The following GREP1 variants were observed in gnomAD, a reference collection of about 807,000 sequenced individuals.
GREP1 encodes glycine-rich extracellular protein 1.
At chr16:2,998,230 G>A (rs1596462895) in intron 23 of GREP1, 126 bp from the exon 22 acceptor site, 1 of 398,068 alleles carries the variant, frequency 2.5e-6, no homozygotes, top group Non-Finnish European at 4.4e-6. Context: ...ATACACACCA[G>A]GGACCTGGCT....
chr16:2,988,706 G>A (rs150735992), intron 2 of GREP1, 84 bp downstream of exon 2: 68 of 398,848 alleles, frequency 1.7e-4, no homozygotes, highest in South Asian at 2.5e-4. Flanking sequence ...TGGGACTCCC[G>A]ATGCGGGGCC....
rs1474824590 is a variant in GREP1 at position 2,994,624 on chromosome 16, G to A, written c.386-74G>A. 1.8e-5 allele frequency: 7 copies of A among 398,758 alleles called. No homozygotes were observed. In the East Asian group the frequency reaches 2.5e-4, roughly 14 times the overall value. The allele number at this position is 398,758 out of a possible 1,614,324, so 24.7% of individuals were successfully genotyped here. On this transcript the variant is annotated intron_variant, in intron 10 of 34. Transcript: ENST00000573315. ...CTGGCTCGTTGAAGTTGGGGGTGGG[G>A]ACACCCCTGCCCGAGGTGGCTGGAG...
chr16:2,993,039 C>G (rs923890879), intron 10 of GREP1, 76 bp downstream of exon 11: 1 of 398,182 alleles, frequency 2.5e-6, no homozygotes, highest in East Asian at 3.6e-5. Flanking sequence ...TCCCTGATCT[C>G]CCCATTCTCT....
intron 30 of GREP1, chr16:3,000,377 G>T (rs71386698): frequency 2.5e-6 from 1 of 399,144 alleles, no homozygotes; most frequent in South Asian, 1.3e-4. Context: ...CAGGGGTCGG[G>T]GTGGGAGAGT....
exon 33 of GREP1, chr16:3,000,721 C>T (rs894805557): frequency 1.8e-5 from 7 of 398,856 alleles, no homozygotes; most frequent in African/African-American, 8.2e-5. Context: ...CAGGGCAGGC[C>T]GGGGTGCTGT....
chr16:2,996,964 C>A, exon 21 of GREP1: 1 of 399,250 alleles, frequency 2.5e-6, no homozygotes, highest in Non-Finnish European at 4.4e-6. Context: ...CTCCAAACGG[C>A]TATGGACCAG....
exon 34 of GREP1, chr16:3,001,316 C>T: frequency 2.5e-6 from 1 of 399,170 alleles, no homozygotes; most frequent in Non-Finnish European, 4.4e-6. Flanking sequence ...CAATGGCCAG[C>T]TGGGGAATGG....
At chr16:2,988,774 T>G (rs1333963372) in intron 2 of GREP1, among the ~76,000 whole-genome samples, 152 bp downstream of exon 2, 1 of 152,070 alleles carries the variant, frequency 6.6e-6, no homozygotes. Flanking sequence ...AAGTGTCCAC[T>G]CAAGGGTGGG....
At chr16:2,998,007 C>T (rs969769802) in intron 23 of GREP1, among the ~76,000 whole-genome samples, 172 bp downstream of exon 21, 2 of 132,226 alleles carry the variant, frequency 1.5e-5, no homozygotes, top group Non-Finnish European at 3.1e-5. Context: ...GGACCTGGAG[C>T]AGAGGGGAAG....
intron 10 of GREP1, 143 bp from the exon 12 acceptor site, chr16:2,994,555 G>A (rs1420292757): frequency 1.3e-5 from 5 of 397,884 alleles, no homozygotes; most frequent in East Asian, 7.1e-5. Flanking sequence ...GGCAGGAGCT[G>A]GAGCTTGACA....
rs2072397861 is a variant in GREP1, at chr16:2,991,249, T to TGGGC, written c.322+150_322+153dup. The stretch of plus-strand genomic sequence containing the variant: ...CTCTGTCCCTTCCCAGGCCTGGGAG[T>TGGGC]GGGCGTGAAACCTCCGAAGCCAGGT... On this transcript the variant is annotated intron_variant, in intron 8 of 34. Coordinates refer to ENST00000573315, the Ensembl canonical transcript of GREP1. The surrounding 1 kb of genome is among the most constrained non-coding windows in gnomAD (Gnocchi z 4.9). 2.5e-6 allele frequency: 1 copy of TGGGC among 394,726 alleles called. No individual in the cohort carries two copies. Among genetic ancestry groups the TGGGC allele is most frequent in the South Asian group, 1.4e-4 (1 of 7,146 alleles). The allele number at this position is 394,726 out of a possible 1,614,324, so 24.5% of individuals were successfully genotyped here. A position where few individuals can be genotyped will look rare whatever the true frequency, so the allele number is the denominator to read the frequency against.
At chr16:2,996,995 C>T in exon 21 of GREP1, 4 of 399,262 alleles carry the variant, frequency 1.0e-5, no homozygotes, top group Non-Finnish European at 1.8e-5. Flanking sequence ...GGCTGGGGTT[C>T]CAGGAGGTCC....
chr16:2,999,226 G>C (rs567488647), intron 26 of GREP1: 1 of 398,660 alleles, frequency 2.5e-6, no homozygotes, highest in African/African-American at 2.1e-5. Flanking sequence ...CCTCGGCTGG[G>C]CTCACTCCTG....
chr16:2,997,429 G>C (rs917199508), intron 22 of GREP1: 1 of 398,838 alleles, frequency 2.5e-6, no homozygotes, highest in African/African-American at 2.1e-5. Context: ...GTACTGGGGG[G>C]CTGGAGTTGC....
intron 33 of GREP1, among the ~76,000 whole-genome samples, 175 bp downstream of exon 27, chr16:3,001,002 G>A (rs867148612): frequency 1.3e-5 from 2 of 152,276 alleles, no homozygotes; most frequent in South Asian, 4.1e-4. Flanking sequence ...GGAGCAGGAA[G>A]GAATGGAGCT....
intron 18 of GREP1, 169 bp downstream of exon 17, chr16:2,995,940 T>TC (rs2072422477): frequency 4.8e-6 from 1 of 209,540 alleles, no homozygotes; most frequent in African/African-American, 3.1e-5. Context: ...GAGCCCAGGC[T>TC]TTTTTTTTTT....
At chr16:2,996,609 G>A (rs1162611682) in intron 19 of GREP1, 64 bp from the exon 19 acceptor site, 2 of 399,148 alleles carry the variant, frequency 5.0e-6, no homozygotes, top group Admixed American at 8.8e-5. Context: ...CAGGGACAGA[G>A]AGCTGGGGTC....
At position 2,992,729 on chromosome 16, in the gene GREP1, G is replaced by T. The variant is rs992973034; in HGVS notation, c.323-76G>T. Reference sequence around the variant, plus strand: ...GGCAGGGGTCACGCGAGACAGAAAGGGAGAGGGCAGGGCTCCAGGCCCCAG... The same window carrying T: ...GGCAGGGGTCACGCGAGACAGAAAGTGAGAGGGCAGGGCTCCAGGCCCCAG... On this transcript the variant is annotated intron_variant, in intron 8 of 34. Transcript: ENST00000573315. This position sits in a 1 kb window ranked among gnomAD's most constrained non-coding sequence, Gnocchi z 4.9. 1.0e-5 allele frequency: 4 copies of T among 398,846 alleles called. No individual in the cohort carries two copies. In the Admixed American group the frequency reaches 1.3e-4, roughly 13 times the overall value. 24.7% of individuals were successfully genotyped at this position (398,846 alleles called of 1,614,324 possible). A position where few individuals can be genotyped will look rare whatever the true frequency, so the allele number is the denominator to read the frequency against.
rs553807140 is a variant in GREP1 at position 2,992,102 on chromosome 16, G to C, written c.323-703G>C. Reference sequence around the variant, plus strand: ...CTGCCTCTGCTTCCTCCTTCTACTCGGTCTCCCAAGATCTGGTGATGGGAA... The same window carrying C: ...CTGCCTCTGCTTCCTCCTTCTACTCCGTCTCCCAAGATCTGGTGATGGGAA... On this transcript the variant is annotated intron_variant, in intron 8 of 34. Transcript: ENST00000573315. The surrounding 1 kb of genome is among the most constrained non-coding windows in gnomAD (Gnocchi z 4.9). 2 of 152,648 alleles carry C rather than the reference G, an allele frequency of 1.3e-5. No homozygotes were observed. The highest frequency in any genetic ancestry group is 2.4e-5 in the African/African-American group (1 of 41,544). 9.5% of individuals were successfully genotyped at this position (152,648 alleles called of 1,614,324 possible).
Sources: allele counts gnomAD v4.1 joint callset (sites outside exome capture counted in the v4.1 genomes callset), GRCh38; gene constraint gnomAD v4.1.1; non-coding constraint Gnocchi (gnomAD v3.1); transcripts MANE v1.5; gene names NCBI Gene and HGNC (gene_info 2026-07-23, HGNC 2026-07-21).